FSTL5: variants seen among roughly 807,000 people sequenced by gnomAD.
FSTL5 encodes the protein follistatin-related protein 5.
Under a neutral mutation model 89.1 loss-of-function variants are expected in FSTL5, and 62 were observed. That is an observed-to-expected ratio of 0.70 (90% confidence interval 0.57 to 0.86). FSTL5 has a LOEUF of 0.86. FSTL5 is among the 40% of genes least tolerant of loss of function. The probability of loss-of-function intolerance (pLI) is 0.00; values close to 1 mark genes in which losing one functional copy is unlikely to be tolerated. For missense variants in FSTL5, 1,057 were observed against 1,001.6 expected (o/e 1.06, Z -0.75); for synonymous variants, 383 against 346.2 (o/e 1.11, Z -1.18).
intron 3 of FSTL5, among the ~76,000 whole-genome samples, chr4:162,004,416 C>T (rs1018577450): frequency 6.6e-6 from 1 of 152,194 alleles, no homozygotes; most frequent in Admixed American, 6.5e-5. Context: ...GCATAATCAT[C>T]TGTGCTTACT....
At chr4:162,054,649 A>G (rs1738480328) in intron 2 of FSTL5, among the ~76,000 whole-genome samples, 1 of 151,864 alleles carries the variant, frequency 6.6e-6, no homozygotes, top group East Asian at 1.9e-4. Flanking sequence ...TTCTTAGAGC[A>G]TTTACTTTAA....
chr4:161,539,462 T>C (rs1483927233), intron 9 of FSTL5, among the ~76,000 whole-genome samples: 2 of 152,150 alleles, frequency 1.3e-5, no homozygotes, highest in African/African-American at 4.8e-5. Context: ...CTTGAAGTTG[T>C]TTCTTTATTT....
intron 3 of FSTL5, among the ~76,000 whole-genome samples, chr4:162,021,974 C>T (rs1175769132): frequency 3.3e-5 from 5 of 151,830 alleles, no homozygotes; most frequent in African/African-American, 1.2e-4. Flanking sequence ...GCCTGTAATC[C>T]CAGCTATTTG....
At chr4:162,133,753 T>G (rs1732412393) in intron 1 of FSTL5, among the ~76,000 whole-genome samples, 1 of 152,216 alleles carries the variant, frequency 6.6e-6, no homozygotes, top group Non-Finnish European at 1.5e-5. Context: ...ATGCTTCAAT[T>G]CTTCTGTGTC....
chr4:161,953,615 G>A (rs1333634182), intron 3 of FSTL5, among the ~76,000 whole-genome samples: 1 of 151,450 alleles, frequency 6.6e-6, no homozygotes, highest in African/African-American at 2.4e-5. Flanking sequence ...CTTTGCCTTG[G>A]TAAAGGCAAA....
intron 15 of FSTL5, among the ~76,000 whole-genome samples, chr4:161,413,051 A>G (rs2110941916): frequency 6.6e-6 from 1 of 152,226 alleles, no homozygotes; most frequent in East Asian, 1.9e-4. Flanking sequence ...TAAAAACAAA[A>G]ACGAACAATG....
chr4:161,821,641 TC>T (rs1730497143), intron 4 of FSTL5, among the ~76,000 whole-genome samples: 1 of 152,172 alleles, frequency 6.6e-6, no homozygotes, highest in Non-Finnish European at 1.5e-5. Flanking sequence ...ATAGCTTAGC[TC>T]CCACTTATGA....
intron 3 of FSTL5, among the ~76,000 whole-genome samples, chr4:161,949,656 A>C: frequency 6.6e-6 from 1 of 151,732 alleles, no homozygotes. Flanking sequence ...TGTTTATAGT[A>C]ATTATTATAT....
chr4:162,088,485 C>T (rs543354733), intron 2 of FSTL5, among the ~76,000 whole-genome samples: 4 of 152,056 alleles, frequency 2.6e-5, no homozygotes, highest in African/African-American at 9.6e-5. Flanking sequence ...TTTACTTCAT[C>T]CTCAATAAGT....
rs145134734 is a variant in FSTL5, at chr4:161,957,590, G to C, written c.161-36938C>G. ...ATATGCCCACAACAGCTTGCTGAAGGGGGGAGGCAGACATGCAGAAAGAGC... is the reference window on the plus strand; with the variant it reads ...ATATGCCCACAACAGCTTGCTGAAGCGGGGAGGCAGACATGCAGAAAGAGC... On this transcript the variant is annotated intron_variant, in intron 3 of 15. Transcript: ENST00000306100. Among the ~76,000 whole-genome samples, 663 of 152,098 alleles carry C rather than the reference G, an allele frequency of 4.4e-3. 3 individuals carry two copies. Among genetic ancestry groups the C allele is most frequent in the African/African-American group, 0.014 (591 of 41,512 alleles).
chr4:161,788,380 C>T (rs1448236909), intron 4 of FSTL5, among the ~76,000 whole-genome samples: 1 of 152,128 alleles, frequency 6.6e-6, no homozygotes, highest in Non-Finnish European at 1.5e-5. Context: ...AACTTACACC[C>T]TTTAACCAAT....
Position 161,587,449 on chromosome 4 carries a change from T to G in FSTL5, c.1015+6A>C. On this transcript the variant is annotated splice_donor_region_variant and intron_variant, in intron 8 of 15. Transcript: ENST00000306100. ...AATAGTTAGGGTAACAAAAATCACT[T>G]CTTACCATTCACTTGGAAGATGTGA... The G allele has an allele frequency of 6.2e-7, 1 of 1,613,012 alleles. No individual in the cohort carries two copies. The highest frequency in any genetic ancestry group is 8.5e-7 in the Non-Finnish European group (1 of 1,179,274).
chr4:161,693,102 T>C (rs1738004148), intron 6 of FSTL5, among the ~76,000 whole-genome samples: 1 of 152,174 alleles, frequency 6.6e-6, no homozygotes, highest in African/African-American at 2.4e-5. Context: ...CAGTGTATGG[T>C]ATTTAGTCAT....
chr4:161,995,395 A>T (rs1408793366), intron 3 of FSTL5, among the ~76,000 whole-genome samples: 1 of 152,166 alleles, frequency 6.6e-6, no homozygotes, highest in Non-Finnish European at 1.5e-5. Context: ...CAGAATTCCA[A>T]ACCAGACAGT....
intron 13 of FSTL5, among the ~76,000 whole-genome samples, chr4:161,477,426 T>G (rs1157115404): frequency 6.7e-6 from 1 of 150,098 alleles, no homozygotes; most frequent in Non-Finnish European, 1.5e-5. Flanking sequence ...ATATAAATTA[T>G]TAATTATTAT....
intron 6 of FSTL5, among the ~76,000 whole-genome samples, chr4:161,743,883 C>A (rs986931751): frequency 6.6e-6 from 1 of 152,176 alleles, no homozygotes; most frequent in Non-Finnish European, 1.5e-5. Flanking sequence ...GTTGCATCTG[C>A]AATCGTGTTT....
chr4:161,934,204 A>G (rs1259970681), intron 3 of FSTL5, among the ~76,000 whole-genome samples: 1 of 152,118 alleles, frequency 6.6e-6, no homozygotes, highest in Non-Finnish European at 1.5e-5. Flanking sequence ...ACTATTAACC[A>G]TCACATTATT....
In FSTL5 at chr4:161,896,012, C is replaced by T. The variant is rs1733147157; in HGVS notation, c.409+24392G>A. Reference sequence around the variant, plus strand: ...GGACAAAAGAGTAAGTTTCCTCTTCCACCAATGTGATCATGGAAGCAGATG... The same window carrying T: ...GGACAAAAGAGTAAGTTTCCTCTTCTACCAATGTGATCATGGAAGCAGATG... On this transcript the variant is annotated intron_variant, in intron 4 of 15. Transcript: ENST00000306100. Among the ~76,000 whole-genome samples the T allele has an allele frequency of 2.0e-5, 3 of 152,110 alleles. 1 individual carries two copies. The South Asian group carries it at 6.2e-4, about 32-fold the overall frequency.
rs565693968 is a variant in FSTL5, at chr4:161,722,237, C to T, written c.727+37174G>A. Among the ~76,000 whole-genome samples, 582 of 152,162 alleles carry T rather than the reference C, an allele frequency of 3.8e-3. 1 individual carries two copies. Among genetic ancestry groups the T allele is most frequent in the Non-Finnish European group, 6.7e-3 (454 of 67,962 alleles). ...AATTAAATGCAAATGCAAACATTTTCCTTAGCAAAATTCTTTCTACTCTTG... is the reference window on the plus strand; with the variant it reads ...AATTAAATGCAAATGCAAACATTTTTCTTAGCAAAATTCTTTCTACTCTTG... On this transcript the variant is annotated intron_variant, in intron 6 of 15. Transcript: ENST00000306100.
Sources: allele counts gnomAD v4.1 joint callset (sites outside exome capture counted in the v4.1 genomes callset), GRCh38; gene constraint gnomAD v4.1.1; transcripts MANE v1.5; gene names NCBI Gene and HGNC (gene_info 2026-07-23, HGNC 2026-07-21).